DENND3: variants seen among roughly 807,000 people sequenced by gnomAD.
DENND3 encodes DENN domain containing 3, also known as DENN domain-containing protein 3.
Under a neutral mutation model 135.1 loss-of-function variants are expected in DENND3, and 88 were observed. The observed-to-expected ratio is 0.65, with a 90% confidence interval of 0.55 to 0.78. The LOEUF (loss-of-function observed/expected upper bound fraction) is 0.78, where lower values mean the gene tolerates loss of function less well. Among genes scored for constraint, DENND3 ranks in the 30% least tolerant of loss-of-function variants. The pLI is 0.00. For synonymous variants in DENND3, 693 were observed against 712.3 expected (o/e 0.97, Z 0.43); for missense variants, 1,392 against 1,688.4 (o/e 0.82, Z 3.08).
At position 141,130,974 on chromosome 8, in the gene DENND3, C is replaced by T. The variant is rs769247381; in HGVS notation, c.102+2165C>T. Among the ~76,000 whole-genome samples, 17 of 152,210 alleles carry T rather than the reference C, an allele frequency of 1.1e-4. No individual in the cohort carries two copies. Among genetic ancestry groups the T allele is most frequent in the East Asian group, 1.9e-4 (1 of 5,174 alleles). ...TGTTGGGATTATAGGTGTGAGCCAC[C>T]GCACCTGGCCGCTTTTAAATAATTT... On this transcript the variant is annotated intron_variant, in intron 1 of 22. Coordinates refer to ENST00000519811, the MANE Select transcript of DENND3 (RefSeq NM_001352890.3). The surrounding 1 kb of genome is among the most constrained non-coding windows in gnomAD (Gnocchi z 4.2).
chr8:141,162,424 G>A (rs888748404), intron 9 of DENND3, among the ~76,000 whole-genome samples: 2 of 151,790 alleles, frequency 1.3e-5, no homozygotes, highest in Non-Finnish European at 2.9e-5. Flanking sequence ...GCAAGATCCC[G>A]GCTCTTTAAA....
Position 141,154,519 on chromosome 8 carries a change from G to A in DENND3, c.1075-1330G>A, listed in dbSNP as rs1242911904. Reference sequence around the variant, plus strand: ...CAGTACATGCAGTGTTTGTTCCAGGGTAGGAGAAACCTTGTCAACAACATG... The same window carrying A: ...CAGTACATGCAGTGTTTGTTCCAGGATAGGAGAAACCTTGTCAACAACATG... On this transcript the variant is annotated intron_variant, in intron 7 of 22. Coordinates refer to ENST00000519811, the MANE Select transcript of DENND3 (RefSeq NM_001352890.3). The surrounding 1 kb of genome is among the most constrained non-coding windows in gnomAD (Gnocchi z 4.4). Among the ~76,000 whole-genome samples, 1 of 151,922 alleles carries A rather than the reference G, an allele frequency of 6.6e-6. No homozygotes were observed. The highest frequency in any genetic ancestry group is 1.5e-5 in the Non-Finnish European group (1 of 67,970).
chr8:141,142,490 G>A (rs1323919666), intron 4 of DENND3: 2 of 420,300 alleles, frequency 4.8e-6, no homozygotes, highest in Non-Finnish European at 9.5e-6. Flanking sequence ...TCAATGACTC[G>A]TAATTCAAAT....
At chr8:141,142,154 C>G in intron 4 of DENND3, 1 of 337,838 alleles carries the variant, frequency 3.0e-6, no homozygotes, top group East Asian at 8.9e-5. Flanking sequence ...CCAGTGGGCT[C>G]TCATTATCAA....
intron 18 of DENND3, chr8:141,188,725 C>T (rs887829334): frequency 9.3e-6 from 4 of 429,196 alleles, no homozygotes; most frequent in East Asian, 9.1e-5. Context: ...ACAGTGCTGG[C>T]GGCCGTGGGT....
At chr8:141,132,572 G>A (rs1200901472) in intron 1 of DENND3, among the ~76,000 whole-genome samples, 1 of 152,146 alleles carries the variant, frequency 6.6e-6, no homozygotes, top group Non-Finnish European at 1.5e-5. Flanking sequence ...GATCAGGCTA[G>A]TCTTGAACTC....
rs372742255 is a variant in DENND3 at position 141,136,685 on chromosome 8, A to G, written c.279A>G (p.Pro93=). 4.3e-6 allele frequency: 7 copies of G among 1,613,332 alleles called. No homozygotes were observed. Among genetic ancestry groups the G allele is most frequent in the Non-Finnish European group, 5.9e-6 (7 of 1,179,758 alleles). The change falls in exon 2 of 23, where the codon CCA becomes CCG. Residue 93 remains proline (P), a synonymous_variant. Transcript: ENST00000519811. ...GAAAGAAGAGAGAGAAGCCCAGACC[A>G]GAGCAGTGGAAGGGCCTCCCGGGGC... is the stretch of plus-strand genomic sequence containing the variant. ...SLRKKREKPR[P]EQWKGLPGPP...
rs1439172228 is a variant in DENND3, at chr8:141,166,191, A to G, written c.1555A>G (p.Ile519Val). The G allele has an allele frequency of 1.9e-6, 3 of 1,614,060 alleles. No individual in the cohort carries two copies. The highest frequency in any genetic ancestry group is 2.5e-6 in the Non-Finnish European group (3 of 1,180,024). The change falls in exon 12 of 23, where the codon ATA (isoleucine) becomes GTA (valine). Residue 519 changes from isoleucine to valine, a missense_variant and splice_region_variant. Coordinates refer to ENST00000519811, the MANE Select transcript of DENND3 (RefSeq NM_001352890.3). The surrounding 1 kb of genome is among the most constrained non-coding windows in gnomAD (Gnocchi z 4.3). ...DLDTQSEEDR[I>V]NGMLLSPRRP... ...ACGCGTTGCTTTTTCGTACCCCAGA[A>G]TAAATGGAATGCTTCTAAGTCCAAG...
intron 8 of DENND3, 66 bp downstream of exon 8, chr8:141,156,036 C>A: frequency 6.7e-7 from 1 of 1,491,450 alleles, no homozygotes; most frequent in Non-Finnish European, 9.0e-7. Flanking sequence ...TTTGCCACTT[C>A]GAGTATCTTT....
rs888516487 is a variant in DENND3, at chr8:141,128,953, G to T, written c.102+144G>T. ...CGGTCCCCCGGCGGTGACCCCGCGC[G>T]CCTGTGGCCGGGGATCGCGCCCGAG... On this transcript the variant is annotated intron_variant, in intron 1 of 22. Transcript: ENST00000519811. The surrounding 1 kb of genome is among the most constrained non-coding windows in gnomAD (Gnocchi z 4.5). 1.7e-6 allele frequency: 1 copy of T among 598,378 alleles called. No homozygotes were observed. Among genetic ancestry groups the T allele is most frequent in the Admixed American group, 4.4e-5 (1 of 22,742 alleles). The allele number at this position is 598,378 out of a possible 1,614,324, so 37.1% of individuals were successfully genotyped here. A position where few individuals can be genotyped will look rare whatever the true frequency, so the allele number is the denominator to read the frequency against.
rs528117267 is a variant in DENND3 at position 141,130,550 on chromosome 8, C to T, written c.102+1741C>T. 8.5e-5 allele frequency among the ~76,000 whole-genome samples: 13 copies of T among 152,172 alleles called. No individual in the cohort carries two copies. The highest frequency in any genetic ancestry group is 2.1e-4 in the South Asian group (1 of 4,826). On this transcript the variant is annotated intron_variant, in intron 1 of 22. Coordinates refer to ENST00000519811, the MANE Select transcript of DENND3 (RefSeq NM_001352890.3). This position sits in a 1 kb window ranked among gnomAD's most constrained non-coding sequence, Gnocchi z 4.2. ...AGTGAAGGACTAAGAAAATAAGGAG[C>T]GTTAGGGGATGGATTCCATTTCTTG... is the stretch of plus-strand genomic sequence containing the variant.
intron 8 of DENND3, among the ~76,000 whole-genome samples, chr8:141,157,115 T>C (rs566111469): frequency 8.5e-5 from 13 of 152,286 alleles, no homozygotes; most frequent in Admixed American, 2.6e-4. Flanking sequence ...TTTTATAGTT[T>C]ATGTTTTCTT....
chr8:141,155,751 G>C, intron 7 of DENND3, 98 bp from the exon 8 acceptor site: 1 of 1,433,078 alleles, frequency 7.0e-7, no homozygotes, highest in South Asian at 1.4e-5. Flanking sequence ...TGATGACACT[G>C]TCTTAGTGAA....
At chr8:141,162,633 C>T (rs545653942) in intron 9 of DENND3, among the ~76,000 whole-genome samples, 4 of 151,976 alleles carry the variant, frequency 2.6e-5, no homozygotes, top group South Asian at 2.1e-4. Context: ...CTGAGGAAAC[C>T]GGGTACAAAG....
At chr8:141,157,462 A>C in intron 8 of DENND3, 1 of 985,476 alleles carries the variant, frequency 1.0e-6, no homozygotes, top group Non-Finnish European at 1.2e-6. Flanking sequence ...GTCCAACTGC[A>C]GCCAGGCCCT....
At position 141,136,752 on chromosome 8, in the gene DENND3, G is replaced by C. The variant is rs533272355; in HGVS notation, c.346G>C (p.Gly116Arg). ...PEPEDVAVPG[G>R]VDLLTLPQLC... ...GCCTGAGGATGTCGCCGTCCCGGGCGGCGTGGACCTCCTCACCCTGCCGCA... is the reference window on the plus strand; with the variant it reads ...GCCTGAGGATGTCGCCGTCCCGGGCCGCGTGGACCTCCTCACCCTGCCGCA... The change falls in exon 2 of 23, where the codon GGC (glycine) becomes CGC (arginine). Residue 116 changes from glycine to arginine, a missense_variant. Transcript: ENST00000519811. 6.3e-7 allele frequency: 1 copy of C among 1,595,752 alleles called. No homozygotes were observed.
chr8:141,191,401 G>T (rs1480047591), intron 20 of DENND3: 9 of 152,384 alleles, frequency 5.9e-5, no homozygotes, highest in African/African-American at 1.7e-4. Context: ...TCCATTGTGT[G>T]CATATGGAAC....
At chr8:141,136,013 G>C (rs950730894) in intron 1 of DENND3, among the ~76,000 whole-genome samples, 5 of 152,334 alleles carry the variant, frequency 3.3e-5, no homozygotes, top group African/African-American at 1.2e-4. Context: ...TGTGGGGTTT[G>C]ACAATATACA....
rs536403271 is a variant in DENND3, at chr8:141,168,437, G to A, written c.2187G>A (p.Gln729=). The change falls in exon 13 of 23, where the codon CAG becomes CAA. Residue 729 remains glutamine, a synonymous_variant. Transcript: ENST00000519811. This position sits in a 1 kb window ranked among gnomAD's most constrained non-coding sequence, Gnocchi z 6.2. ...KKFKLPKKHM[Q]LGDFMKRVQE... The stretch of plus-strand genomic sequence containing the variant: ...TCAAGCTGCCCAAGAAGCACATGCA[G>A]CTGGGCGACTTCATGAAGCGGGTCC... 4 of 1,613,864 alleles carry A rather than the reference G, an allele frequency of 2.5e-6. No individual in the cohort carries two copies. Among genetic ancestry groups the A allele is most frequent in the Middle Eastern group, 3.3e-4 (2 of 6,062 alleles).
Sources: gnomAD v4.1 joint callset for allele counts (sites outside exome capture counted in the v4.1 genomes callset) on GRCh38, gnomAD v4.1.1 for gene constraint, Gnocchi (gnomAD v3.1) non-coding constraint, MANE v1.5 for transcripts, NCBI Gene and HGNC (gene_info 2026-07-23, HGNC 2026-07-21) for gene names.